The following WBP11 variants were observed in gnomAD, a reference collection of about 807,000 sequenced individuals.
WBP11 encodes the protein WW domain-binding protein 11.
A neutral mutation model predicts 66.7 loss-of-function variants in WBP11; 12 were observed. The ratio of observed to expected loss-of-function variants is 0.18; its 90% CI spans 0.12 to 0.29. WBP11 has a LOEUF of 0.29. Ranked by LOEUF, WBP11 falls within the 10% of genes least tolerant of loss-of-function variation. WBP11 has a pLI of 1.00. For synonymous variants in WBP11, 255 were observed against 273.8 expected, an observed-to-expected ratio of 0.93 and a Z score of 0.68; for missense variants, 555 against 818.3, an observed-to-expected ratio of 0.68 and a Z score of 3.93.
intron 1 of WBP11, 142 bp from the exon 2 acceptor site, chr12:14,801,570 T>A: frequency 1.8e-6 from 1 of 556,412 alleles, no homozygotes; most frequent in South Asian, 2.2e-5. Flanking sequence ...GACTTTAATG[T>A]CCAAGAAAGA....
chr12:14,788,912 A>G, intron 11 of WBP11, 39 bp downstream of exon 11: 1 of 1,141,430 alleles, frequency 8.8e-7, no homozygotes, highest in East Asian at 2.9e-5. Context: ...TTAAATAAAC[A>G]GCAGGCTAAG....
chr12:14,794,404 C>T (rs1432870062), intron 7 of WBP11, 133 bp downstream of exon 7: 3 of 956,690 alleles, frequency 3.1e-6, no homozygotes, highest in Admixed American at 3.6e-5. Flanking sequence ...ATTTATCCAA[C>T]TGTATGTATA....
At chr12:14,792,057 G>T (rs919867545) in intron 8 of WBP11, among the ~76,000 whole-genome samples, 1 of 151,960 alleles carries the variant, frequency 6.6e-6, no homozygotes, top group Non-Finnish European at 1.5e-5. Context: ...GGTGAGGGAT[G>T]CATCAAAATC....
intron 4 of WBP11, among the ~76,000 whole-genome samples, chr12:14,798,815 AG>A (rs1485359598): frequency 1.3e-5 from 2 of 152,206 alleles, no homozygotes; most frequent in Admixed American, 6.5e-5. Flanking sequence ...AAAGTGGCAA[AG>A]GGTAGAAGAC....
intron 8 of WBP11, among the ~76,000 whole-genome samples, chr12:14,791,531 G>A (rs1366891247): frequency 6.6e-6 from 1 of 152,086 alleles, no homozygotes; most frequent in East Asian, 1.9e-4. Flanking sequence ...CTCCTTAAAG[G>A]CTACAAATAA....
intron 4 of WBP11, among the ~76,000 whole-genome samples, chr12:14,798,679 T>C (rs1949921115): frequency 6.6e-6 from 1 of 152,152 alleles, no homozygotes; most frequent in Non-Finnish European, 1.5e-5. Flanking sequence ...ATGCCATGAC[T>C]GAATTTTTTT....
intron 3 of WBP11, among the ~76,000 whole-genome samples, chr12:14,800,505 A>G (rs2137242168): frequency 6.6e-6 from 1 of 152,242 alleles, no homozygotes; most frequent in Middle Eastern, 3.4e-3. Context: ...ATTATTTTCA[A>G]AAGTATTTTT....
intron 11 of WBP11, among the ~76,000 whole-genome samples, chr12:14,788,105 G>A (rs1949775636): frequency 6.6e-6 from 1 of 152,122 alleles, no homozygotes; most frequent in Non-Finnish European, 1.5e-5. Flanking sequence ...TGGGCGTGGT[G>A]GTGCACGCCT....
At chr12:14,791,396 A>C (rs1359864492) in intron 8 of WBP11, 126 bp from the exon 9 acceptor site, 2 of 642,914 alleles carry the variant, frequency 3.1e-6, no homozygotes, top group Non-Finnish European at 5.4e-6. Flanking sequence ...GCAGGATGAG[A>C]TAGCTATACT....
intron 4 of WBP11, among the ~76,000 whole-genome samples, chr12:14,798,552 G>C (rs1227343102): frequency 6.6e-6 from 1 of 152,170 alleles, no homozygotes; most frequent in Non-Finnish European, 1.5e-5. Context: ...GCAGGAAGTG[G>C]AATCAGTTAC....
intron 11 of WBP11, 124 bp from the exon 12 acceptor site, chr12:14,787,622 C>G (rs907730920): frequency 1.1e-6 from 1 of 889,996 alleles, no homozygotes; most frequent in African/African-American, 1.7e-5. Flanking sequence ...AGAAAATAAG[C>G]TGAATTCATA....
At chr12:14,787,933 C>G (rs960152500) in intron 11 of WBP11, among the ~76,000 whole-genome samples, 5 of 152,146 alleles carry the variant, frequency 3.3e-5, no homozygotes, top group Non-Finnish European at 7.4e-5. Context: ...AATTTTAACC[C>G]TGGTCATCAA....
rs535262314 is a variant in WBP11, at chr12:14,803,418, T to A, written c.-112A>T. On this transcript the variant is annotated 5_prime_UTR_variant, in exon 1 of 12. Coordinates refer to ENST00000261167, the MANE Select transcript of WBP11 (RefSeq NM_016312.3). ...GCGACTCCCGGCCTCTTTCACTTCG[T>A]AAAGGCCTTCAACTGGGTCTCTCGG... The A allele has an allele frequency of 1.1e-4, 45 of 398,790 alleles. No homozygotes were observed. The highest frequency in any genetic ancestry group is 9.0e-4 in the African/African-American group (44 of 48,746). 24.7% of individuals were successfully genotyped at this position (398,790 alleles called of 1,614,324 possible). A position where few individuals can be genotyped will look rare whatever the true frequency, so the allele number is the denominator to read the frequency against.
chr12:14,789,858 G>A (rs11056188), intron 10 of WBP11, among the ~76,000 whole-genome samples: 25,033 of 152,048 alleles, frequency 0.16, 2,319 homozygotes, highest in African/African-American at 0.24. Flanking sequence ...TGCACCAATC[G>A]GAAAATGATT....
At chr12:14,787,665 T>C (rs1949769285) in intron 11 of WBP11, among the ~76,000 whole-genome samples, 167 bp from the exon 12 acceptor site, 1 of 152,210 alleles carries the variant, frequency 6.6e-6, no homozygotes, top group Non-Finnish European at 1.5e-5. Flanking sequence ...GAATATTTTA[T>C]TATAAAACAG....
chr12:14,787,205 G>C lies in WBP11; in HGVS notation c.1786C>G (p.Pro596Ala), dbSNP rs775435221. Reference sequence around the variant, plus strand: ...GAATCATCCTCTGACTTTCTTTGGGGAGCAGCAGTAGCCCCTTTATTCTCC... The same window carrying C: ...GAATCATCCTCTGACTTTCTTTGGGCAGCAGCAGTAGCCCCTTTATTCTCC... ...RRENKGATAA[P>A]QRKSEDDSAV... The change falls in exon 12 of 12, where the codon CCC becomes GCC. Residue 596 changes from proline to alanine, a missense_variant. By Grantham distance (27) the Pro-to-Ala change is conservative. Transcript: ENST00000261167. The C allele has an allele frequency of 2.4e-5, 38 of 1,614,022 alleles. No homozygotes were observed. Among genetic ancestry groups the C allele is most frequent in the Non-Finnish European group, 3.1e-5 (37 of 1,180,050 alleles).
At chr12:14,788,673 G>A (rs1242189268) in intron 11 of WBP11, among the ~76,000 whole-genome samples, 1 of 152,178 alleles carries the variant, frequency 6.6e-6, no homozygotes, top group Non-Finnish European at 1.5e-5. Context: ...TGGTACTCAT[G>A]CAGATGCATG....
Position 14,801,320 on chromosome 12 carries a change from G to A in WBP11, c.64C>T (p.Arg22Ter). The A allele has an allele frequency of 6.2e-7, 1 of 1,611,996 alleles. No individual in the cohort carries two copies. The highest frequency in any genetic ancestry group is 1.7e-5 in the Admixed American group (1 of 59,906). The change falls in exon 2 of 12, where the codon CGA (arginine) becomes TGA (stop). Residue 22 changes from arginine (R) to a stop codon, truncating the protein, a stop_gained and splice_region_variant. Transcript: ENST00000261167. LOFTEE classifies it high-confidence loss of function. ...TCATTCCACACTAATGGACACTTACGGGCTTGGTCTGTGGGGTTCATAAAT... is the reference window on the plus strand; with the variant it reads ...TCATTCCACACTAATGGACACTTACAGGCTTGGTCTGTGGGGTTCATAAAT... ...GKFMNPTDQA[R>*]KEARKRELKK...
rs1451991747 is a variant in WBP11 at position 14,803,442 on chromosome 12, G to C, written c.-136C>G. 1.8e-5 allele frequency: 7 copies of C among 398,624 alleles called. No homozygotes were observed. In the Admixed American group the frequency reaches 3.1e-4, roughly 18 times the overall value. The allele number at this position is 398,624 out of a possible 1,614,324, so 24.7% of individuals were successfully genotyped here. A position where few individuals can be genotyped will look rare whatever the true frequency, so the allele number is the denominator to read the frequency against. On this transcript the variant is annotated 5_prime_UTR_variant, in exon 1 of 12. Transcript: ENST00000261167. ...GTAAAGGCCTTCAACTGGGTCTCTC[G>C]GTCAACCCCTCAGCTACCGCCATCT...
Sources: gnomAD v4.1 joint callset for allele counts (sites outside exome capture counted in the v4.1 genomes callset) on GRCh38, gnomAD v4.1.1 for gene constraint, MANE v1.5 for transcripts, NCBI Gene and HGNC (gene_info 2026-07-23, HGNC 2026-07-21) for gene names.